Variants in THSD7B observed in about 807,000 individuals in gnomAD.
The protein encoded by THSD7B is thrombospondin type-1 domain-containing protein 7B.
A neutral mutation model predicts 213.6 loss-of-function variants in THSD7B; 138 were observed. The ratio of observed to expected loss-of-function variants is 0.65; its 90% confidence interval spans 0.56 to 0.74. The LOEUF (loss-of-function observed/expected upper bound fraction) is 0.74. THSD7B is among the 30% of genes least tolerant of loss of function. THSD7B has a pLI of 0.00. For missense variants in THSD7B, 1,931 were observed against 1,991.5 expected (o/e 0.97, Z 0.58); for synonymous variants, 742 against 687.0 (o/e 1.08, Z -1.25).
intron 15 of THSD7B, among the ~76,000 whole-genome samples, chr2:137,513,384 G>T (rs1680006648): frequency 1.3e-5 from 2 of 152,210 alleles, no homozygotes; most frequent in African/African-American, 2.4e-5. Flanking sequence ...TAGAGGATTT[G>T]GAGAGAGTAG....
intron 12 of THSD7B, among the ~76,000 whole-genome samples, chr2:137,388,110 G>C (rs1184473352): frequency 6.6e-6 from 1 of 152,156 alleles, no homozygotes; most frequent in Non-Finnish European, 1.5e-5. Context: ...TTCTTCCCAA[G>C]GCAAGAACTA....
chr2:137,373,771 C>G (rs1341523365), intron 12 of THSD7B, among the ~76,000 whole-genome samples: 2 of 152,134 alleles, frequency 1.3e-5, no homozygotes, highest in Non-Finnish European at 2.9e-5. Context: ...GAAGTCCTTG[C>G]CCATGCCTAT....
Position 137,498,842 on chromosome 2 carries a change from G to A in THSD7B, c.3138+47819G>A, listed in dbSNP as rs541763596. Among the ~76,000 whole-genome samples, 8 of 152,242 alleles carry A rather than the reference G, an allele frequency of 5.3e-5. No individual in the cohort carries two copies. In the East Asian group the frequency reaches 1.2e-3, roughly 22 times the overall value. Reference sequence around the variant, plus strand: ...GCAGAGGCCTAAGTGAGAGTGAGCTGCCTCATGCTGAAGAAGGGAATACCT... The same window carrying A: ...GCAGAGGCCTAAGTGAGAGTGAGCTACCTCATGCTGAAGAAGGGAATACCT... On this transcript the variant is annotated intron_variant, in intron 15 of 27. Coordinates refer to ENST00000409968, the MANE Select transcript of THSD7B (RefSeq NM_001316349.2).
intron 3 of THSD7B, among the ~76,000 whole-genome samples, chr2:137,065,801 G>A (rs957171614): frequency 6.6e-6 from 1 of 151,928 alleles, no homozygotes; most frequent in African/African-American, 2.4e-5. Context: ...CACTTCACAG[G>A]CAGTGTAAGT....
intron 2 of THSD7B, among the ~76,000 whole-genome samples, chr2:137,036,501 A>G (rs1423008244): frequency 6.6e-6 from 1 of 152,328 alleles, no homozygotes; most frequent in South Asian, 2.1e-4. Context: ...TCATTTCAGT[A>G]TACTTGAAGT....
intron 2 of THSD7B, among the ~76,000 whole-genome samples, chr2:136,886,033 G>T (rs1329838671): frequency 6.6e-6 from 1 of 152,124 alleles, no homozygotes; most frequent in Non-Finnish European, 1.5e-5. Flanking sequence ...ATCCCAGATG[G>T]TGGGAACAAG....
In THSD7B at chr2:137,642,558, T is replaced by C; in HGVS notation, c.3870T>C (p.Leu1290=). Residue 1290 remains leucine (L), a synonymous_variant, in exon 21 of 28, where the codon CTT becomes CTC. Coordinates refer to ENST00000409968, the MANE Select transcript of THSD7B (RefSeq NM_001316349.2). ...AAGGACGGCCATGCCCCACAGAGCT[T>C]ACCCAGGAGAAAACCTGCCCAGTGA... ...QGEGRPCPTE[L]TQEKTCPVTP... is the part of the protein sequence containing the mutation. 1 of 1,613,920 alleles carries C rather than the reference T, an allele frequency of 6.2e-7. No homozygotes were observed. The highest frequency in any genetic ancestry group is 8.5e-7 in the Non-Finnish European group (1 of 1,179,870).
intron 2 of THSD7B, among the ~76,000 whole-genome samples, chr2:137,035,310 T>G (rs888680574): frequency 2.6e-5 from 4 of 152,206 alleles, no homozygotes; most frequent in African/African-American, 9.6e-5. Flanking sequence ...GGGACGTATG[T>G]AAAGTAATTC....
chr2:136,895,189 T>C (rs561702518), intron 2 of THSD7B, among the ~76,000 whole-genome samples: 1 of 152,306 alleles, frequency 6.6e-6, no homozygotes, highest in East Asian at 1.9e-4. Context: ...TTCTCTTATA[T>C]AGGCCTTACA....
chr2:137,545,022 C>G (rs181516817), intron 15 of THSD7B, among the ~76,000 whole-genome samples: 1 of 151,848 alleles, frequency 6.6e-6, no homozygotes, highest in Non-Finnish European at 1.5e-5. Flanking sequence ...CATACAACTT[C>G]AAGGCATGTG....
chr2:136,771,816 T>G (rs896622659), intron 1 of THSD7B, among the ~76,000 whole-genome samples: 2 of 152,088 alleles, frequency 1.3e-5, no homozygotes, highest in Non-Finnish European at 2.9e-5. Flanking sequence ...TGGAAAATGT[T>G]GAAGAGGGGA....
At chr2:136,949,007 T>TC (rs1684990077) in intron 2 of THSD7B, among the ~76,000 whole-genome samples, 1 of 152,218 alleles carries the variant, frequency 6.6e-6, no homozygotes, top group South Asian at 2.1e-4. Context: ...GGGGTCTCAC[T>TC]CTGTTTCCTA....
At chr2:137,404,993 C>A (rs1481412122) in intron 12 of THSD7B, among the ~76,000 whole-genome samples, 1 of 151,282 alleles carries the variant, frequency 6.6e-6, no homozygotes, top group Non-Finnish European at 1.5e-5. Context: ...ACCCCAATAA[C>A]TTATGGAAAA....
intron 6 of THSD7B, among the ~76,000 whole-genome samples, chr2:137,166,821 G>A (rs1212078141): frequency 1.3e-5 from 2 of 152,298 alleles, no homozygotes; most frequent in East Asian, 3.9e-4. Context: ...GATAGGAAAT[G>A]CTAAGAGATA....
At chr2:137,335,641 G>C (rs547040795) in intron 12 of THSD7B, among the ~76,000 whole-genome samples, 1 of 152,274 alleles carries the variant, frequency 6.6e-6, no homozygotes, top group Non-Finnish European at 1.5e-5. Context: ...AGACAGATTG[G>C]AACCAGCTTA....
At chr2:137,432,988 ATATT>A (rs1326545346) in intron 14 of THSD7B, among the ~76,000 whole-genome samples, 1 of 152,204 alleles carries the variant, frequency 6.6e-6, no homozygotes, top group African/African-American at 2.4e-5. Context: ...AACATAGGAC[ATATT>A]TATTTAATAC....
At chr2:137,252,911 C>CTTTTTTTTTTT (rs754932566) in intron 10 of THSD7B, among the ~76,000 whole-genome samples, 1 of 80,660 alleles carries the variant, frequency 1.2e-5, no homozygotes, top group African/African-American at 4.7e-5. Flanking sequence ...AAAAGGCTTG[C>CTTTTTTTTTTT]TTTTTTTTTT....
At chr2:136,903,960 GTGTGTGTGTGTGTTTGTT>G (rs751613395) in intron 2 of THSD7B, among the ~76,000 whole-genome samples, 34 of 75,930 alleles carry the variant, frequency 4.5e-4, no homozygotes, top group East Asian at 3.1e-3. Context: ...GTGTGTGTGT[GTGTGTGTGTGTGTTTGTT>G]TGTTTCTGAG....
chr2:137,459,782 A>G (rs957473600), intron 15 of THSD7B, among the ~76,000 whole-genome samples: 12 of 152,142 alleles, frequency 7.9e-5, no homozygotes, highest in African/African-American at 2.9e-4. Context: ...GAATGGAAAA[A>G]TCACTGGGAT....
Sources: gnomAD v4.1 joint callset for allele counts (sites outside exome capture counted in the v4.1 genomes callset) on GRCh38, gnomAD v4.1.1 for gene constraint, MANE v1.5 for transcripts, NCBI Gene and HGNC (gene_info 2026-07-23, HGNC 2026-07-21) for gene names.